The following CLYBL variants were observed in gnomAD, a reference collection of about 807,000 sequenced individuals.
CLYBL encodes the protein citramalyl-CoA lyase.
Under a neutral mutation model 38.9 loss-of-function variants are expected in CLYBL, and 31 were observed. That is an observed-to-expected ratio of 0.80 (90% CI 0.60 to 1.08). The LOEUF (loss-of-function observed/expected upper bound fraction) is 1.08, where lower values mean the gene tolerates loss of function less well. Ranked by LOEUF, CLYBL falls within the 50% of genes least tolerant of loss-of-function variation. The probability of loss-of-function intolerance (pLI) is 0.00; values close to 1 mark genes in which losing one functional copy is unlikely to be tolerated. For missense variants in CLYBL, 434 were observed against 411.6 expected, an observed-to-expected ratio of 1.05 and a Z score of -0.47; for synonymous variants, 171 against 158.6, an observed-to-expected ratio of 1.08 and a Z score of -0.59.
chr13:99,712,896 C>T (rs2048256879), intron 1 of CLYBL, among the ~76,000 whole-genome samples: 2 of 152,128 alleles, frequency 1.3e-5, no homozygotes, highest in Admixed American at 1.3e-4. Context: ...ATCTGGAAAC[C>T]ATGTCTTCTT....
chr13:99,721,398 CTG>C (rs1244230991), intron 1 of CLYBL, among the ~76,000 whole-genome samples: 5 of 151,968 alleles, frequency 3.3e-5, no homozygotes, highest in Middle Eastern at 3.4e-3. Context: ...TTCAGTGACT[CTG>C]TTTTTTTCCT....
At chr13:99,739,366 T>C (rs1037462884) in intron 1 of CLYBL, among the ~76,000 whole-genome samples, 20 of 143,728 alleles carry the variant, frequency 1.4e-4, no homozygotes, top group Non-Finnish European at 2.3e-4. Flanking sequence ...TCAACACGTG[T>C]TGGCAGACTC....
intron 1 of CLYBL, among the ~76,000 whole-genome samples, chr13:99,706,059 G>A (rs1018628781): frequency 6.6e-6 from 1 of 151,908 alleles, no homozygotes; most frequent in African/African-American, 2.4e-5. Flanking sequence ...AGCCTTCCAA[G>A]TAGCTGGGAT....
intron 1 of CLYBL, among the ~76,000 whole-genome samples, chr13:99,684,785 C>T (rs532980090): frequency 3.9e-5 from 6 of 152,320 alleles, no homozygotes; most frequent in African/African-American, 9.6e-5. Flanking sequence ...CCACTGCTAC[C>T]ACCCCATAAG....
chr13:99,760,440 G>T (rs1035635253), intron 1 of CLYBL, among the ~76,000 whole-genome samples: 1 of 152,046 alleles, frequency 6.6e-6, no homozygotes, highest in Non-Finnish European at 1.5e-5. Flanking sequence ...TATACCTTTG[G>T]GCCTTCATTT....
At position 99,845,563 on chromosome 13, in the gene CLYBL, C is replaced by T. The variant is rs1193986769; in HGVS notation, c.250-13298C>T. Among the ~76,000 whole-genome samples the T allele has an allele frequency of 4.6e-5, 7 of 152,322 alleles. 1 individual carries two copies. Among genetic ancestry groups the T allele is most frequent in the South Asian group, 4.1e-4 (2 of 4,820 alleles). On this transcript the variant is annotated intron_variant, in intron 2 of 8. Transcript: ENST00000339105. ...TGGAAATCAAATGCGGTGCCAGCCA[C>T]GGCATTGTTTTATTAGCATTTGCTC...
At chr13:99,791,393 T>C (rs1270811982) in intron 2 of CLYBL, among the ~76,000 whole-genome samples, 6 of 152,192 alleles carry the variant, frequency 3.9e-5, no homozygotes, top group African/African-American at 1.4e-4. Flanking sequence ...AGCGGTGTCA[T>C]TTTTAAAGAG....
chr13:99,843,774 G>A (rs1057486854), intron 2 of CLYBL, among the ~76,000 whole-genome samples: 3 of 151,992 alleles, frequency 2.0e-5, no homozygotes, highest in Non-Finnish European at 4.4e-5. Context: ...GCTAATTTTT[G>A]TATATTTAGT....
At chr13:99,611,083 G>A (rs1381218453) in intron 1 of CLYBL, among the ~76,000 whole-genome samples, 1 of 152,222 alleles carries the variant, frequency 6.6e-6, no homozygotes, top group Non-Finnish European at 1.5e-5. Context: ...TTTTCACTGT[G>A]ATGGGGGCTA....
chr13:99,866,436 C>G (rs1484444910), intron 6 of CLYBL, 29 bp downstream of exon 6: 1 of 1,590,376 alleles, frequency 6.3e-7, no homozygotes, highest in Non-Finnish European at 8.5e-7. Flanking sequence ...AAAGCAGTGT[C>G]TAAATTAGCA....
intron 2 of CLYBL, among the ~76,000 whole-genome samples, chr13:99,823,288 C>G (rs1486095949): frequency 1.3e-5 from 2 of 152,132 alleles, no homozygotes; most frequent in African/African-American, 4.8e-5. Context: ...TCTTGAAGTC[C>G]TGGGCTCAAG....
At chr13:99,793,189 G>A in intron 2 of CLYBL, among the ~76,000 whole-genome samples, 1 of 152,032 alleles carries the variant, frequency 6.6e-6, no homozygotes, top group Non-Finnish European at 1.5e-5. Context: ...TAAATTAGTG[G>A]AGTGGCTAGG....
chr13:99,819,829 G>A (rs1284861374), intron 2 of CLYBL, among the ~76,000 whole-genome samples: 1 of 152,018 alleles, frequency 6.6e-6, no homozygotes, highest in Admixed American at 6.6e-5. Context: ...GCCCACCTTG[G>A]TGAGGGCAGA....
intron 9 of CLYBL, among the ~76,000 whole-genome samples, chr13:99,905,782 T>C (rs1188744291): frequency 6.6e-6 from 1 of 151,778 alleles, no homozygotes; most frequent in East Asian, 1.9e-4. Context: ...GTGGTTGTTT[T>C]TGAGACAGGG....
intron 1 of CLYBL, among the ~76,000 whole-genome samples, chr13:99,710,959 C>A (rs1193298651): frequency 7.0e-6 from 1 of 143,444 alleles, no homozygotes; most frequent in Non-Finnish European, 1.5e-5. Flanking sequence ...GTGATCTCGG[C>A]TCACTGCAAC....
At chr13:99,663,382 G>A (rs183967511) in intron 1 of CLYBL, among the ~76,000 whole-genome samples, 13 of 152,312 alleles carry the variant, frequency 8.5e-5, no homozygotes, top group Admixed American at 4.6e-4. Context: ...AGTTCTCCCT[G>A]AGCAGTAACT....
chr13:99,665,539 C>G (rs2047468161), intron 1 of CLYBL, among the ~76,000 whole-genome samples: 2 of 151,722 alleles, frequency 1.3e-5, no homozygotes, highest in Non-Finnish European at 2.9e-5. Context: ...AATTATTAAA[C>G]TTTTACACAG....
intron 1 of CLYBL, among the ~76,000 whole-genome samples, chr13:99,696,388 C>T (rs530725747): frequency 6.6e-6 from 1 of 152,114 alleles, no homozygotes; most frequent in South Asian, 2.1e-4. Flanking sequence ...TGCCACCACA[C>T]CCAGCTAATT....
At chr13:99,687,837 G>A (rs952623486) in intron 1 of CLYBL, among the ~76,000 whole-genome samples, 2 of 152,156 alleles carry the variant, frequency 1.3e-5, no homozygotes, top group African/African-American at 4.8e-5. Flanking sequence ...GGGTGCCTGA[G>A]TATCAGATAC....
Sources: gnomAD v4.1 joint callset for allele counts (sites outside exome capture counted in the v4.1 genomes callset) on GRCh38, gnomAD v4.1.1 for gene constraint, MANE v1.5 for transcripts, NCBI Gene and HGNC (gene_info 2026-07-23, HGNC 2026-07-21) for gene names.